Variants in ZNF208 observed in about 807,000 individuals in gnomAD.
The protein encoded by ZNF208 is zinc finger protein 208.
ZNF208 carries 10 observed loss-of-function variants against 12.1 expected under a neutral mutation model. The observed-to-expected ratio is 0.83, with a 90% CI of 0.51 to 1.40. The LOEUF (loss-of-function observed/expected upper bound fraction) is 1.40. Among genes scored for constraint, ZNF208 ranks in the 40% most tolerant of loss-of-function variants. The probability of loss-of-function intolerance (pLI) is 0.00; values close to 1 mark genes in which losing one functional copy is unlikely to be tolerated. For synonymous variants in ZNF208, 497 were observed against 488.4 expected (o/e 1.02, Z -0.23); for missense variants, 1,652 against 1,485.0 (o/e 1.11, Z -1.85).
At chr19:21,989,796 C>T (rs1003130904) in intron 1 of ZNF208, among the ~76,000 whole-genome samples, 1 of 152,156 alleles carries the variant, frequency 6.6e-6, no homozygotes, top group Non-Finnish European at 1.5e-5. Flanking sequence ...GAGATGGTAT[C>T]TCATTGTGGT....
intron 3 of ZNF208, among the ~76,000 whole-genome samples, chr19:21,976,023 C>A (rs1192705950): frequency 1.3e-5 from 2 of 151,858 alleles, no homozygotes; most frequent in Non-Finnish European, 1.5e-5. Flanking sequence ...TGTAAGAAAA[C>A]AACACCTAAT....
Position 21,977,267 on chromosome 19 carries a change from C to A in ZNF208, c.227-2460G>T, listed in dbSNP as rs115387644. On this transcript the variant is annotated intron_variant, in intron 3 of 3. Coordinates refer to ENST00000397126, the MANE Select transcript of ZNF208 (RefSeq NM_007153.3). ...ACACCACACTTTCTGTAATAAAAATCAAAATAGAGGAGGCTGCCAAGATGG... is the reference window on the plus strand; with the variant it reads ...ACACCACACTTTCTGTAATAAAAATAAAAATAGAGGAGGCTGCCAAGATGG... 7.7e-3 allele frequency among the ~76,000 whole-genome samples: 1,174 copies of A among 152,222 alleles called. 9 individuals are homozygous for A. Among genetic ancestry groups the A allele is most frequent in the African/African-American group, 0.026 (1,100 of 41,568 alleles).
Position 21,968,855 on chromosome 19 carries a change from CATT to C in ZNF208, c.*2333_*2335del, listed in dbSNP as rs1427601709. Among the ~76,000 whole-genome samples the C allele has an allele frequency of 5.3e-5, 8 of 152,042 alleles. No homozygotes were observed. Among genetic ancestry groups the C allele is most frequent in the Non-Finnish European group, 1.2e-4 (8 of 68,006 alleles). ...AGGTTTATTATTACTTATACAATGT[CATT>C]ATACATTTTATACATTTTTGCTCTG... On this transcript the variant is annotated 3_prime_UTR_variant, in exon 4 of 4. Transcript: ENST00000397126.
Position 21,970,769 on chromosome 19 carries a change from T to C in ZNF208, c.*422A>G, listed in dbSNP as rs773153311. 7.1e-7 allele frequency: 1 copy of C among 1,402,432 alleles called. No homozygotes were observed. Among genetic ancestry groups the C allele is most frequent in the Non-Finnish European group, 1.0e-6 (1 of 994,732 alleles). The allele number at this position is 1,402,432 out of a possible 1,614,324, so 86.9% of individuals were successfully genotyped here. A position where few individuals can be genotyped will look rare whatever the true frequency, so the allele number is the denominator to read the frequency against. On this transcript the variant is annotated 3_prime_UTR_variant, in exon 4 of 4. Transcript: ENST00000397126. ...TAAAAGCTTTGCCAAATTCTTCACA[T>C]TTTTAGAATTTCTCTCCAGCATGAA...
chr19:21,983,283 T>A (rs1430648164), intron 3 of ZNF208, among the ~76,000 whole-genome samples: 1 of 151,832 alleles, frequency 6.6e-6, no homozygotes, highest in Non-Finnish European at 1.5e-5. Context: ...ATTAGAGAAA[T>A]GCAAATCAAA....
At position 21,974,718 on chromosome 19, in the gene ZNF208, A is replaced by AT; in HGVS notation, c.315dup (p.Cys106MetfsTer4). 22 of 1,613,432 alleles carry AT rather than the reference A, an allele frequency of 1.4e-5. No individual in the cohort carries two copies. The highest frequency in any genetic ancestry group is 1.6e-5 in the Non-Finnish European group (19 of 1,179,698). ...TTTAAGTGTAAATTCTCATGTCCAC[A>AT]TTTTTCATACCTTCTCAATATCACT... On this transcript the variant is annotated frameshift_variant, in exon 4 of 4. Transcript: ENST00000397126. LOFTEE classifies it low-confidence loss of function (END_TRUNC).
chr19:21,945,973 C>T (rs56061708), intron 4 of ZNF208, among the ~76,000 whole-genome samples: 26,057 of 151,916 alleles, frequency 0.17, 2,470 homozygotes, highest in African/African-American at 0.23. Flanking sequence ...CTCATGCCCT[C>T]GGATGCACAA....
At chr19:21,990,885 A>G (rs1236206026) in intron 1 of ZNF208, among the ~76,000 whole-genome samples, 1 of 152,190 alleles carries the variant, frequency 6.6e-6, no homozygotes, top group Non-Finnish European at 1.5e-5. Flanking sequence ...ATGGGAGTTC[A>G]CTATGATTTG....
In ZNF208 at chr19:21,969,900, C is replaced by T. The variant is rs1970247582; in HGVS notation, c.*1291G>A. Among the ~76,000 whole-genome samples the T allele has an allele frequency of 6.6e-6, 1 of 151,942 alleles. No individual in the cohort carries two copies. The highest frequency in any genetic ancestry group is 6.6e-5 in the Admixed American group (1 of 15,240). On this transcript the variant is annotated 3_prime_UTR_variant, in exon 4 of 4. Coordinates refer to ENST00000397126, the MANE Select transcript of ZNF208 (RefSeq NM_007153.3). ...ATAAGCTGTGAGAAGATATTACTGG[C>T]ATTAACAAAAATTTTTTTTTCCAGA...
intron 4 of ZNF208, among the ~76,000 whole-genome samples, chr19:21,959,253 C>A (rs540721675): frequency 3.9e-5 from 6 of 152,146 alleles, no homozygotes; most frequent in Non-Finnish European, 8.8e-5. Context: ...TAATACTTCA[C>A]AAAATCATTC....
chr19:21,950,033 T>A (rs1969866562), intron 4 of ZNF208, among the ~76,000 whole-genome samples: 1 of 152,214 alleles, frequency 6.6e-6, no homozygotes, highest in South Asian at 2.1e-4. Context: ...TAAACAGGAT[T>A]GTAAACAGGT....
At position 21,969,049 on chromosome 19, in the gene ZNF208, C is replaced by T. The variant is rs1373415910; in HGVS notation, c.*2142G>A. Among the ~76,000 whole-genome samples the T allele has an allele frequency of 9.9e-5, 15 of 152,058 alleles. 1 individual carries two copies. The highest frequency in any genetic ancestry group is 2.1e-4 in the South Asian group (1 of 4,810). On this transcript the variant is annotated 3_prime_UTR_variant, in exon 4 of 4. Transcript: ENST00000397126. ...AATACAAAAAATTAGCTGGGAGTGGCGGCGGGCGCCTGTAGTCCCAGCTAA... is the reference window on the plus strand; with the variant it reads ...AATACAAAAAATTAGCTGGGAGTGGTGGCGGGCGCCTGTAGTCCCAGCTAA...
chr19:21,988,125 T>C (rs1970658161), intron 2 of ZNF208, among the ~76,000 whole-genome samples: 1 of 152,188 alleles, frequency 6.6e-6, no homozygotes, highest in African/African-American at 2.4e-5. Context: ...CAGTAAACTT[T>C]TGAAATTACC....
Position 21,974,366 on chromosome 19 carries a change from T to C in ZNF208, c.668A>G (p.His223Arg), listed in dbSNP as rs1232283346. Reference protein sequence around the residue: ...SSTLTYYKSAHTGEKPYRCKE... With the variant: ...SSTLTYYKSARTGEKPYRCKE... The stretch of plus-strand genomic sequence containing the variant: ...ACATCTGTAGGGTTTCTCTCCAGTA[T>C]GAGCACTCTTATAATAAGTAAGGGT... The change falls in exon 4 of 4, where the codon CAT becomes CGT. Residue 223 changes from histidine to arginine, a missense_variant. Physicochemically the swap from His to Arg is conservative, Grantham distance 29 (BLOSUM62 0). Coordinates refer to ENST00000397126, the MANE Select transcript of ZNF208 (RefSeq NM_007153.3). 1.2e-6 allele frequency: 2 copies of C among 1,613,832 alleles called. No individual in the cohort carries two copies. Among genetic ancestry groups the C allele is most frequent in the East Asian group, 2.2e-5 (1 of 44,864 alleles).
downstream of ZNF208, among the ~76,000 whole-genome samples, chr19:21,964,648 C>T (rs8108093): frequency 0.62 from 93,499 of 151,394 alleles, 29,600 homozygotes; most frequent in African/African-American, 0.74. Context: ...CTAGTTTTAA[C>T]TTAGAATTAT....
chr19:21,995,577 A>G (rs1302723162), intron 1 of ZNF208, among the ~76,000 whole-genome samples: 2 of 152,224 alleles, frequency 1.3e-5, no homozygotes, highest in African/African-American at 4.8e-5. Flanking sequence ...TAAGACAGGC[A>G]GAGAAGACTC....
At chr19:21,950,120 C>T (rs1429240698) in intron 4 of ZNF208, among the ~76,000 whole-genome samples, 1 of 152,138 alleles carries the variant, frequency 6.6e-6, no homozygotes, top group Non-Finnish European at 1.5e-5. Context: ...ATTAAATAAA[C>T]ATTTTTAAAG....
rs1161149484 is a variant in ZNF208 at position 21,974,413 on chromosome 19, G to T, written c.621C>A (p.Gly207=). ...RENSYKCEEG[G]KAFNWSSTLT... ...GGGTTGAGGACCAGTTAAAAGCTTT[G>T]CCACCTTCTTCACATTTGTAGGAAT... Residue 207 remains glycine, a synonymous_variant, in exon 4 of 4, where the codon GGC becomes GGA. Transcript: ENST00000397126. The T allele has an allele frequency of 4.3e-6, 7 of 1,613,650 alleles. No homozygotes were observed. In the African/African-American group the frequency reaches 9.3e-5, roughly 22 times the overall value.
chr19:21,996,647 G>A (rs1253911530), intron 1 of ZNF208, among the ~76,000 whole-genome samples: 2 of 152,138 alleles, frequency 1.3e-5, no homozygotes, highest in Non-Finnish European at 2.9e-5. Context: ...GTAGCAATAG[G>A]TGTTACCTGA....
Sources: allele counts gnomAD v4.1 joint callset (sites outside exome capture counted in the v4.1 genomes callset), GRCh38; gene constraint gnomAD v4.1.1; transcripts MANE v1.5; gene names NCBI Gene and HGNC (gene_info 2026-07-23, HGNC 2026-07-21).